The following CNTNAP5 variants were observed in gnomAD, a reference collection of about 807,000 sequenced individuals.
CNTNAP5 encodes the protein contactin-associated protein-like 5.
A neutral mutation model predicts 150.2 loss-of-function variants in CNTNAP5; 72 were observed. The observed-to-expected ratio is 0.48, with a 90% CI of 0.40 to 0.58. The LOEUF (loss-of-function observed/expected upper bound fraction) is 0.58. Ranked by LOEUF, CNTNAP5 falls within the 20% of genes least tolerant of loss-of-function variation. The pLI is 0.00. For synonymous variants in CNTNAP5, 672 were observed against 619.8 expected, an observed-to-expected ratio of 1.08 and a Z score of -1.25; for missense variants, 1,636 against 1,626.2, an observed-to-expected ratio of 1.01 and a Z score of -0.10.
intron 3 of CNTNAP5, among the ~76,000 whole-genome samples, chr2:124,266,656 C>T (rs1687613743): frequency 1.3e-5 from 2 of 152,098 alleles, no homozygotes; most frequent in Admixed American, 1.3e-4. Context: ...TTGGGATGAT[C>T]ATATTTGACT....
intron 1 of CNTNAP5, among the ~76,000 whole-genome samples, chr2:124,219,592 A>G (rs1049319346): frequency 2.0e-5 from 3 of 151,810 alleles, no homozygotes; most frequent in Non-Finnish European, 4.4e-5. Flanking sequence ...AGACCTATAT[A>G]TGTGTTTGTG....
chr2:124,731,395 A>G (rs13411899), intron 13 of CNTNAP5, among the ~76,000 whole-genome samples: 39,126 of 151,666 alleles, frequency 0.26, 5,634 homozygotes, highest in Non-Finnish European at 0.34. Context: ...CTTATTAACC[A>G]TCAACAATAA....
At chr2:124,871,992 C>G (rs1343170991) in intron 21 of CNTNAP5, among the ~76,000 whole-genome samples, 2 of 151,940 alleles carry the variant, frequency 1.3e-5, no homozygotes, top group Non-Finnish European at 2.9e-5. Context: ...CTAATTCTAT[C>G]ATCATATTTC....
At chr2:124,855,170 T>TTG (rs1400026827) in intron 19 of CNTNAP5, among the ~76,000 whole-genome samples, 1 of 74,174 alleles carries the variant, frequency 1.3e-5, no homozygotes, top group African/African-American at 6.9e-5. Flanking sequence ...GCTTTTGCTT[T>TTG]TTTTTTTTTT....
At chr2:124,888,839 T>C (rs1276591652) in intron 21 of CNTNAP5, among the ~76,000 whole-genome samples, 1 of 152,072 alleles carries the variant, frequency 6.6e-6, no homozygotes, top group African/African-American at 2.4e-5. Context: ...ATTCTGAAAA[T>C]TAGACCTTTG....
intron 21 of CNTNAP5, among the ~76,000 whole-genome samples, chr2:124,872,317 C>T (rs1677765630): frequency 6.6e-6 from 1 of 151,326 alleles, no homozygotes; most frequent in South Asian, 2.1e-4. Context: ...CTGTGAGGGT[C>T]CCAGTCTGTT....
intron 1 of CNTNAP5, among the ~76,000 whole-genome samples, chr2:124,186,003 A>G (rs1685325019): frequency 1.3e-5 from 2 of 152,268 alleles, no homozygotes; most frequent in Non-Finnish European, 2.9e-5. Flanking sequence ...AAGTACGTTT[A>G]CTATGTATTG....
At chr2:124,659,208 G>C (rs1678522115) in intron 13 of CNTNAP5, among the ~76,000 whole-genome samples, 2 of 152,056 alleles carry the variant, frequency 1.3e-5, no homozygotes, top group African/African-American at 4.8e-5. Flanking sequence ...AAATTACAGG[G>C]GTGCCTTTCT....
At chr2:124,713,331 CTT>C (rs1558746991) in intron 13 of CNTNAP5, among the ~76,000 whole-genome samples, 1 of 93,408 alleles carries the variant, frequency 1.1e-5, no homozygotes, top group Non-Finnish European at 2.1e-5. Flanking sequence ...TTCTTTCTTT[CTT>C]TCTTTCTTTC....
chr2:124,759,250 G>C (rs1680904986), intron 14 of CNTNAP5, among the ~76,000 whole-genome samples: 1 of 151,220 alleles, frequency 6.6e-6, no homozygotes. Context: ...ATGGTGTATA[G>C]TCTAATAGTT....
chr2:124,032,316 A>G (rs1681075619), intron 1 of CNTNAP5, among the ~76,000 whole-genome samples: 1 of 152,164 alleles, frequency 6.6e-6, no homozygotes, highest in South Asian at 2.1e-4. Context: ...GAAGGATAGA[A>G]GAAAAAATTA....
chr2:124,030,957 C>A lies in CNTNAP5; in HGVS notation c.82+5225C>A, dbSNP rs543754089. 3.9e-5 allele frequency among the ~76,000 whole-genome samples: 6 copies of A among 152,166 alleles called. No homozygotes were observed. In the South Asian group the frequency reaches 1.2e-3, roughly 32 times the overall value. ...ATTCCTTGTCCTAGCACAGGACTGGCCCTGATCTGGCTCTGCTAAACCTCA... is the reference window on the plus strand; with the variant it reads ...ATTCCTTGTCCTAGCACAGGACTGGACCTGATCTGGCTCTGCTAAACCTCA... On this transcript the variant is annotated intron_variant, in intron 1 of 23. Coordinates refer to ENST00000682447, the MANE Select transcript of CNTNAP5 (RefSeq NM_001367498.1).
chr2:124,651,312 A>C (rs1026446095), intron 13 of CNTNAP5, among the ~76,000 whole-genome samples: 9 of 152,224 alleles, frequency 5.9e-5, no homozygotes, highest in African/African-American at 2.2e-4. Flanking sequence ...CCTTGTGGGC[A>C]TAGATTCTCC....
intron 13 of CNTNAP5, 31 bp downstream of exon 13, chr2:124,647,989 G>T (rs757696374): frequency 3.2e-6 from 5 of 1,555,354 alleles, no homozygotes; most frequent in Non-Finnish European, 4.4e-6. Context: ...ACCACAGTGG[G>T]ATAGATGGGA....
At chr2:124,064,655 A>T (rs1682107288) in intron 1 of CNTNAP5, among the ~76,000 whole-genome samples, 1 of 152,136 alleles carries the variant, frequency 6.6e-6, no homozygotes, top group African/African-American at 2.4e-5. Context: ...TCAAAACTTC[A>T]TAAAATGTCT....
chr2:124,536,842 C>T (rs1481443706), intron 10 of CNTNAP5, among the ~76,000 whole-genome samples: 1 of 152,166 alleles, frequency 6.6e-6, no homozygotes, highest in African/African-American at 2.4e-5. Context: ...GGCTGCAGTG[C>T]TGAATGTTTG....
At chr2:124,683,162 T>A (rs1319232235) in intron 13 of CNTNAP5, among the ~76,000 whole-genome samples, 3 of 152,170 alleles carry the variant, frequency 2.0e-5, no homozygotes, top group Non-Finnish European at 2.9e-5. Flanking sequence ...GTGTGGCTGA[T>A]GTATGAATCT....
intron 1 of CNTNAP5, among the ~76,000 whole-genome samples, chr2:124,186,156 T>TTGTGTTTATCCAGAACCATGCC (rs1558792118): frequency 6.6e-6 from 1 of 151,998 alleles, no homozygotes; most frequent in Non-Finnish European, 1.5e-5. Context: ...CAGGTGATGC[T>TTGTGTTTATCCAGAACCATGCC]GATTGTGTTT....
At chr2:124,429,701 G>T (rs1692322975) in intron 4 of CNTNAP5, among the ~76,000 whole-genome samples, 1 of 152,102 alleles carries the variant, frequency 6.6e-6, no homozygotes, top group Admixed American at 6.5e-5. Flanking sequence ...CTTACTAAAG[G>T]CCGTGCATCC....
Sources: allele counts gnomAD v4.1 joint callset (sites outside exome capture counted in the v4.1 genomes callset), GRCh38; gene constraint gnomAD v4.1.1; transcripts MANE v1.5; gene names NCBI Gene and HGNC (gene_info 2026-07-23, HGNC 2026-07-21).